NUAK1: variants seen among roughly 807,000 people sequenced by gnomAD.
NUAK1 encodes the protein NUAK family kinase 1.
NUAK1 carries 26 observed loss-of-function variants against 56.9 expected under a neutral mutation model. The observed-to-expected ratio is 0.46, with a 90% CI of 0.33 to 0.63. The LOEUF is 0.63. Ranked by LOEUF, NUAK1 falls within the 30% of genes least tolerant of loss-of-function variation. The pLI is 0.02. For missense variants in NUAK1, 727 were observed against 876.1 expected (o/e 0.83, Z 2.15); for synonymous variants, 337 against 336.0 (o/e 1.00, Z -0.03).
At chr12:106,070,306 G>T (rs2032392496) in intron 6 of NUAK1, among the ~76,000 whole-genome samples, 1 of 152,148 alleles carries the variant, frequency 6.6e-6, no homozygotes, top group Non-Finnish European at 1.5e-5. Context: ...GGGCAGATGG[G>T]GTAGAGTTGT....
chr12:106,072,503 G>A (rs1012857057), intron 5 of NUAK1, among the ~76,000 whole-genome samples: 3 of 152,160 alleles, frequency 2.0e-5, no homozygotes, highest in Middle Eastern at 3.2e-3. Flanking sequence ...TTTCTAGGGG[G>A]ATGGCAGGTA....
chr12:106,077,357 C>A (rs909970676), intron 4 of NUAK1, among the ~76,000 whole-genome samples: 1 of 152,212 alleles, frequency 6.6e-6, no homozygotes, highest in Admixed American at 6.5e-5. Flanking sequence ...GCATGTAAAG[C>A]TCCTGGAATA....
chr12:106,067,753 G>A lies in NUAK1; in HGVS notation c.1035C>T (p.Thr345=), dbSNP rs145857466. Residue 345 remains threonine (T), a synonymous_variant, in exon 7 of 7, where the codon ACC becomes ACT. Coordinates refer to ENST00000261402, the MANE Select transcript of NUAK1 (RefSeq NM_014840.3). The surrounding 1 kb of genome is among the most constrained non-coding windows in gnomAD (Gnocchi z 6.0). ...HHRSTGLQAD[T]EAKMKGLAKP... Reference sequence around the variant, plus strand: ...TGGCCAGGCCCTTCATTTTGGCTTCGGTGTCAGCCTGCAGCCCTGTGGAAC... The same window carrying A: ...TGGCCAGGCCCTTCATTTTGGCTTCAGTGTCAGCCTGCAGCCCTGTGGAAC... 6.9e-5 allele frequency: 112 copies of A among 1,614,140 alleles called. No individual in the cohort carries two copies. Among genetic ancestry groups the A allele is most frequent in the African/African-American group, 5.9e-4 (44 of 75,022 alleles).
chr12:106,086,816 A>C lies in NUAK1; in HGVS notation c.431T>G (p.Ile144Ser). The change falls in exon 3 of 7, where the codon ATC becomes AGC. Residue 144 changes from isoleucine to serine, a missense_variant. Coordinates refer to ENST00000261402, the MANE Select transcript of NUAK1 (RefSeq NM_014840.3). Reference protein sequence around the residue: ...YASKGELYDYISERRRLSERE... With the variant: ...YASKGELYDYSSERRRLSERE... ...CTCACTGAGGCGTCGCCGCTCACTG[A>C]TGTAATCGTACAGCTCCCCTTTGCT... 6.2e-7 allele frequency: 1 copy of C among 1,614,192 alleles called. No individual in the cohort carries two copies.
intron 4 of NUAK1, among the ~76,000 whole-genome samples, chr12:106,082,703 G>A (rs1347800058): frequency 6.6e-6 from 1 of 152,166 alleles, no homozygotes; most frequent in Non-Finnish European, 1.5e-5. Context: ...AGGTCACTGG[G>A]TCATGGCTTC....
At chr12:106,093,293 A>G (rs2032655906) in intron 2 of NUAK1, among the ~76,000 whole-genome samples, 1 of 152,240 alleles carries the variant, frequency 6.6e-6, no homozygotes, top group African/African-American at 2.4e-5. Context: ...TTCCACTGGC[A>G]GGCCTTCCTT....
intron 2 of NUAK1, among the ~76,000 whole-genome samples, chr12:106,095,309 A>T (rs567956237): frequency 6.6e-6 from 1 of 152,302 alleles, no homozygotes; most frequent in African/African-American, 2.4e-5. Context: ...ATGCTCCCCA[A>T]TTCTGGCAGT....
rs990704135 is a variant in NUAK1, at chr12:106,138,851, G to C, written c.-198C>G. 32 of 649,952 alleles carry C rather than the reference G, an allele frequency of 4.9e-5. No homozygotes were observed. The African/African-American group carries it at 6.0e-4, about 12-fold the overall frequency. 40.3% of individuals were successfully genotyped at this position (649,952 alleles called of 1,614,324 possible). The stretch of plus-strand genomic sequence containing the variant: ...CACATCTGGCGCCCGCGGCGCGCAC[G>C]GTCCGCGCACCGCCCCCCGGCCGCG... On this transcript the variant is annotated 5_prime_UTR_variant, in exon 1 of 7. Coordinates refer to ENST00000261402, the MANE Select transcript of NUAK1 (RefSeq NM_014840.3). The surrounding 1 kb of genome is among the most constrained non-coding windows in gnomAD (Gnocchi z 5.0).
intron 1 of NUAK1, among the ~76,000 whole-genome samples, chr12:106,134,303 G>A (rs1451136399): frequency 1.3e-5 from 2 of 152,234 alleles, no homozygotes; most frequent in Non-Finnish European, 2.9e-5. Context: ...TGGCTTGGCA[G>A]GCCAGTTTGC....
At chr12:106,111,945 A>G (rs886839274) in intron 1 of NUAK1, among the ~76,000 whole-genome samples, 1 of 150,178 alleles carries the variant, frequency 6.7e-6, no homozygotes, top group African/African-American at 2.5e-5. Flanking sequence ...TCGAGCCCAG[A>G]GGCTGCTGAT....
At chr12:106,117,643 G>T (rs1167821102) in intron 1 of NUAK1, among the ~76,000 whole-genome samples, 1 of 152,212 alleles carries the variant, frequency 6.6e-6, no homozygotes, top group Non-Finnish European at 1.5e-5. Flanking sequence ...AATTATTGTG[G>T]AGCTTCATCC....
At chr12:106,090,082 C>T (rs977004303) in intron 2 of NUAK1, among the ~76,000 whole-genome samples, 3 of 152,156 alleles carry the variant, frequency 2.0e-5, no homozygotes, top group Non-Finnish European at 2.9e-5. Context: ...CCATTTCAAT[C>T]CTCCTATTGG....
intron 2 of NUAK1, among the ~76,000 whole-genome samples, chr12:106,101,430 G>A (rs930899779): frequency 1.8e-4 from 27 of 152,118 alleles, no homozygotes; most frequent in African/African-American, 5.6e-4. Context: ...GTGTCTTTAC[G>A]GAGATAAGTT....
At chr12:106,093,789 G>A (rs1246628770) in intron 2 of NUAK1, among the ~76,000 whole-genome samples, 6 of 152,112 alleles carry the variant, frequency 3.9e-5, no homozygotes, top group Non-Finnish European at 8.8e-5. Context: ...AGAGTCTTTT[G>A]TTGAGTTTTT....
At chr12:106,108,558 G>A (rs2032828390) in intron 1 of NUAK1, among the ~76,000 whole-genome samples, 1 of 152,186 alleles carries the variant, frequency 6.6e-6, no homozygotes, top group Non-Finnish European at 1.5e-5. Context: ...TCTGAGGAAG[G>A]GCTGTAATCC....
At chr12:106,082,138 A>G (rs2032524514) in intron 4 of NUAK1, among the ~76,000 whole-genome samples, 1 of 152,240 alleles carries the variant, frequency 6.6e-6, no homozygotes, top group Admixed American at 6.5e-5. Flanking sequence ...TTGACTCTCC[A>G]GGACTGGGCA....
intron 1 of NUAK1, among the ~76,000 whole-genome samples, chr12:106,113,381 T>C (rs1256137270): frequency 6.6e-6 from 1 of 152,230 alleles, no homozygotes; most frequent in Middle Eastern, 3.4e-3. Context: ...AGTCAGAGAC[T>C]CTAGAGCACT....
Position 106,092,495 on chromosome 12 carries a change from C to CA in NUAK1, c.362-5611dup, listed in dbSNP as rs879689800. Among the ~76,000 whole-genome samples the CA allele has an allele frequency of 3.6e-3, 479 of 134,712 alleles. 2 individuals are homozygous for CA. The highest frequency in any genetic ancestry group is 7.6e-3 in the Middle Eastern group (2 of 262). The allele number at this position is 134,712 out of a possible 152,430, so 88.4% of individuals were successfully genotyped here. On this transcript the variant is annotated intron_variant, in intron 2 of 6. Coordinates refer to ENST00000261402, the MANE Select transcript of NUAK1 (RefSeq NM_014840.3). ...CTGGTGACAGAGCGAGACTCTGTCT[C>CA]AAAAAAAAAAAATGGAATCACGTAG...
chr12:106,125,800 G>T (rs559988333), intron 1 of NUAK1, among the ~76,000 whole-genome samples: 2 of 152,286 alleles, frequency 1.3e-5, no homozygotes, highest in East Asian at 3.9e-4. Context: ...CCATGAGGAT[G>T]ATGAAAAATG....
Sources: allele counts gnomAD v4.1 joint callset (sites outside exome capture counted in the v4.1 genomes callset), GRCh38; gene constraint gnomAD v4.1.1; non-coding constraint Gnocchi (gnomAD v3.1); transcripts MANE v1.5; gene names NCBI Gene and HGNC (gene_info 2026-07-23, HGNC 2026-07-21).